Variants in ATP11C observed in about 807,000 individuals in gnomAD.
ATP11C encodes phospholipid-transporting ATPase IG.
ATP11C carries 36 observed loss-of-function variants against 97.4 expected under a neutral mutation model. The ratio of observed to expected loss-of-function variants is 0.37; its 90% CI spans 0.28 to 0.49. The LOEUF (loss-of-function observed/expected upper bound fraction) is 0.49. ATP11C is among the 20% of genes least tolerant of loss of function. The pLI, the probability that ATP11C is intolerant of heterozygous loss-of-function variation, is 0.98. For synonymous variants in ATP11C, 275 were observed against 290.9 expected, an observed-to-expected ratio of 0.95 and a Z score of 0.56; for missense variants, 730 against 824.6, an observed-to-expected ratio of 0.89 and a Z score of 1.40.
At chrX:139,868,421 A>G (rs753566680) in intron 1 of ATP11C, among the ~76,000 whole-genome samples, 3 of 110,668 alleles carry the variant, frequency 2.7e-5, no homozygotes, top group South Asian at 3.9e-4. Context: ...TCTAAAATAT[A>G]TAAGAAATTC....
intron 1 of ATP11C, among the ~76,000 whole-genome samples, chrX:139,827,321 GCTGC>G (rs2083552160): frequency 8.9e-6 from 1 of 112,007 alleles, no homozygotes; most frequent in African/African-American, 3.2e-5. Flanking sequence ...AAATAGAATG[GCTGC>G]CTCTATTGAA....
At chrX:139,870,244 A>G (rs1299175630) in intron 1 of ATP11C, among the ~76,000 whole-genome samples, 1 of 112,300 alleles carries the variant, frequency 8.9e-6, no homozygotes, top group Non-Finnish European at 1.9e-5. Flanking sequence ...ATTTTTTAAA[A>G]GAGTACCTAC....
chrX:139,854,204 C>A (rs1259863032), intron 1 of ATP11C, among the ~76,000 whole-genome samples: 1 of 112,353 alleles, frequency 8.9e-6, no homozygotes, highest in Non-Finnish European at 1.9e-5. Flanking sequence ...AAAGTACTTA[C>A]AGAATCAGGA....
chrX:139,747,553 T>C (rs1408769301), intron 24 of ATP11C, among the ~76,000 whole-genome samples: 1 of 111,710 alleles, frequency 9.0e-6, no homozygotes, highest in Non-Finnish European at 1.9e-5. Context: ...CTTTTAAAGC[T>C]GTAGAAGAAA....
rs543893344 is a variant in ATP11C, at chrX:139,743,986, T to C, written c.2965-362A>G. 7.1e-5 allele frequency among the ~76,000 whole-genome samples: 8 copies of C among 112,173 alleles called. No individual in the cohort carries two copies. In the South Asian group the frequency reaches 2.6e-3, roughly 36 times the overall value. ...ATTCATGTCTCTAAAGAATTTGATA[T>C]GGGATTTTCCTATAATATAGAACTA... is the stretch of plus-strand genomic sequence containing the variant. On this transcript the variant is annotated intron_variant, in intron 25 of 29. Coordinates refer to ENST00000682941, the MANE Select transcript of ATP11C (RefSeq NM_001353812.2).
At chrX:139,926,148 A>G (rs1569493685) in intron 1 of ATP11C, among the ~76,000 whole-genome samples, 2 of 111,084 alleles carry the variant, frequency 1.8e-5, no homozygotes, top group East Asian at 2.8e-4. Context: ...GAAAGGAAAT[A>G]AACTCGAGAG....
At chrX:139,781,289 T>A (rs1459882160) in intron 18 of ATP11C, among the ~76,000 whole-genome samples, 2 of 112,409 alleles carry the variant, frequency 1.8e-5, no homozygotes, top group African/African-American at 6.5e-5. Flanking sequence ...ATTCTCATAA[T>A]TTTCATATAT....
intron 1 of ATP11C, among the ~76,000 whole-genome samples, chrX:139,877,893 C>T (rs904299949): frequency 5.4e-5 from 6 of 110,820 alleles, no homozygotes; most frequent in South Asian, 7.7e-4. Flanking sequence ...CGTGGTGGCA[C>T]GTGCCTGTAA....
intron 12 of ATP11C, among the ~76,000 whole-genome samples, chrX:139,792,561 C>T (rs1039987079): frequency 1.8e-5 from 2 of 110,989 alleles, no homozygotes; most frequent in African/African-American, 6.6e-5. Context: ...TGAGATCTGA[C>T]ATGATACACT....
At chrX:139,747,424 TC>T (rs1233012437) in intron 24 of ATP11C, among the ~76,000 whole-genome samples, 13 of 110,897 alleles carry the variant, frequency 1.2e-4, no homozygotes, top group African/African-American at 4.3e-4. Flanking sequence ...AATGGGGCAA[TC>T]AACATGAAGG....
intron 1 of ATP11C, among the ~76,000 whole-genome samples, chrX:139,861,634 T>C (rs772715421): frequency 9.0e-6 from 1 of 110,891 alleles, no homozygotes; most frequent in East Asian, 2.8e-4. Context: ...CTAGTTCAGG[T>C]GACTAAAAAG....
chrX:139,902,268 T>C (rs1413483986), intron 1 of ATP11C, among the ~76,000 whole-genome samples: 2 of 111,238 alleles, frequency 1.8e-5, no homozygotes, highest in Admixed American at 9.7e-5. Context: ...CCCTAAAATG[T>C]GTAAAACCAA....
chrX:139,788,349 G>A lies in ATP11C; in HGVS notation c.1369-6C>T. The A allele has an allele frequency of 8.4e-7, 1 of 1,193,975 alleles. No homozygotes were observed. Among genetic ancestry groups the A allele is most frequent in the Non-Finnish European group, 1.1e-6 (1 of 883,160 alleles). On this transcript the variant is annotated splice_polypyrimidine_tract_variant and splice_region_variant and intron_variant, in intron 13 of 29. Transcript: ENST00000682941. The stretch of plus-strand genomic sequence containing the variant: ...AGAAACAGCTCTTCTCGATTCTGTG[G>A]AACAGCAACAAAATAATGATTATTA...
chrX:139,866,546 C>T (rs772241025), intron 1 of ATP11C, among the ~76,000 whole-genome samples: 1 of 108,183 alleles, frequency 9.2e-6, no homozygotes, highest in African/African-American at 3.4e-5. Context: ...GGAGAAACCC[C>T]GTCTCTACAA....
intron 1 of ATP11C, among the ~76,000 whole-genome samples, chrX:139,917,746 A>C (rs997932199): frequency 3.3e-4 from 37 of 111,180 alleles, no homozygotes; most frequent in African/African-American, 1.2e-3. Context: ...ACATAAGGTC[A>C]GGAGTTCGAG....
rs869303916 is a variant in ATP11C at position 139,742,876 on chromosome X, AATATAT to A, written c.3030+677_3030+682del. On this transcript the variant is annotated intron_variant, in intron 26 of 29. Coordinates refer to ENST00000682941, the MANE Select transcript of ATP11C (RefSeq NM_001353812.2). Reference sequence around the variant, plus strand: ...TTTATTTTTAAATTAAAAAAAAAAAAATATATATATATATATATATATATATATATA... The same window carrying A: ...TTTATTTTTAAATTAAAAAAAAAAAAATATATATATATATATATATATATA... Among the ~76,000 whole-genome samples the A allele has an allele frequency of 6.8e-3, 178 of 26,188 alleles. 1 individual carries two copies. The highest frequency in any genetic ancestry group is 0.028 in the African/African-American group (159 of 5,669). The allele number at this position is 26,188 out of a possible 115,157, so 22.7% of individuals were successfully genotyped here.
At chrX:139,751,092 A>G (rs1343415322) in intron 23 of ATP11C, among the ~76,000 whole-genome samples, 1 of 112,636 alleles carries the variant, frequency 8.9e-6, no homozygotes. Flanking sequence ...TGTATTTTCA[A>G]TCAATGGCTA....
chrX:139,801,644 C>T, intron 7 of ATP11C, among the ~76,000 whole-genome samples: 1 of 111,941 alleles, frequency 8.9e-6, no homozygotes, highest in East Asian at 2.8e-4. Flanking sequence ...ATCAACCCAA[C>T]TAACCAGTCT....
intron 1 of ATP11C, among the ~76,000 whole-genome samples, chrX:139,872,169 A>C: frequency 9.1e-6 from 1 of 110,331 alleles, no homozygotes; most frequent in East Asian, 2.8e-4. Context: ...TCAGAATAAT[A>C]ACAGCATCTG....
Sources: gnomAD v4.1 joint callset for allele counts (sites outside exome capture counted in the v4.1 genomes callset) on GRCh38, gnomAD v4.1.1 for gene constraint, MANE v1.5 for transcripts, NCBI Gene and HGNC (gene_info 2026-07-23, HGNC 2026-07-21) for gene names.